The following PFKFB3 variants were observed in gnomAD, a reference collection of about 807,000 sequenced individuals.
The protein encoded by PFKFB3 is 6-phosphofructo-2-kinase/fructose-2,6-bisphosphatase 3.
In PFKFB3, 33 loss-of-function variants were observed where a neutral mutation model predicts 68.0. That is an observed-to-expected ratio of 0.49 (90% CI 0.37 to 0.65). The LOEUF (loss-of-function observed/expected upper bound fraction) is 0.65, where lower values mean the gene tolerates loss of function less well. Ranked by LOEUF, PFKFB3 falls within the 30% of genes least tolerant of loss-of-function variation. The pLI is 0.00. For synonymous variants in PFKFB3, 315 were observed against 288.2 expected, an observed-to-expected ratio of 1.09 and a Z score of -0.94; for missense variants, 586 against 712.2, an observed-to-expected ratio of 0.82 and a Z score of 2.02.
At chr10:6,255,853 T>C (rs1846487753), downstream of PFKFB3, among the ~76,000 whole-genome samples, 1 of 152,154 alleles carries the variant, frequency 6.6e-6, no homozygotes, top group Non-Finnish European at 1.5e-5. Flanking sequence ...GCGGGAGACG[T>C]GTCACAGCAG....
chr10:6,243,769 G>A (rs1008616744), intron 14 of PFKFB3, among the ~76,000 whole-genome samples: 3 of 152,190 alleles, frequency 2.0e-5, no homozygotes, highest in African/African-American at 7.2e-5. Context: ...GTCGCCCAAG[G>A]CTGAAGTGCA....
rs112558264 is a variant in PFKFB3, at chr10:6,253,964, A to G, written c.1516-214A>G. 0.015 allele frequency among the ~76,000 whole-genome samples: 2,322 copies of G among 152,216 alleles called. 109 individuals are homozygous for G. The South Asian group carries it at 0.16, about 11-fold the overall frequency. On this transcript the variant is annotated intron_variant, in intron 14 of 14. Transcript: ENST00000640683. ...GAGGCTGAGGCAGGAGGATCGCTTGAACCCAGGAGGAAGAGGTTGCAGTGA... is the reference window on the plus strand; with the variant it reads ...GAGGCTGAGGCAGGAGGATCGCTTGGACCCAGGAGGAAGAGGTTGCAGTGA...
At chr10:6,236,303 C>T (rs556482813), downstream of PFKFB3, among the ~76,000 whole-genome samples, 110 of 152,326 alleles carry the variant, frequency 7.2e-4, no homozygotes, top group Middle Eastern at 3.4e-3. Context: ...CCAGCCTCAG[C>T]GTCTGCATCT....
chr10:6,298,174 G>T, the PFKFB3 span, among the ~76,000 whole-genome samples: 1 of 152,144 alleles, frequency 6.6e-6, no homozygotes, highest in African/African-American at 2.4e-5. Flanking sequence ...CTGTGACCTG[G>T]CCTAGGAAGT....
rs1332669500 is a variant in PFKFB3, at chr10:6,220,996, T to C, written c.831+131T>C. The C allele has an allele frequency of 2.3e-6, 2 of 872,298 alleles. No homozygotes were observed. The highest frequency in any genetic ancestry group is 3.3e-5 in the African/African-American group (2 of 60,744). 54.0% of individuals were successfully genotyped at this position (872,298 alleles called of 1,614,324 possible). ...TGGTGTGCTTGCTGTGTGTGTTATC[T>C]GTGTGTGCGCCTGCACGTCTCTATG... On this transcript the variant is annotated intron_variant, in intron 8 of 14. Transcript: ENST00000379775. The surrounding 1 kb of genome is among the most constrained non-coding windows in gnomAD (Gnocchi z 4.1).
chr10:6,181,850 G>T (rs1842722944), intron 1 of PFKFB3, among the ~76,000 whole-genome samples: 1 of 149,436 alleles, frequency 6.7e-6, no homozygotes, highest in Non-Finnish European at 1.5e-5. Context: ...ACTCATATGC[G>T]ATCTCTAGAA....
At chr10:6,190,716 C>T (rs1843000127) in intron 1 of PFKFB3, among the ~76,000 whole-genome samples, 1 of 152,178 alleles carries the variant, frequency 6.6e-6, no homozygotes, top group Non-Finnish European at 1.5e-5. Context: ...TCGTGTGTTT[C>T]TTGATATATC....
chr10:6,206,943 C>T (rs921748444), intron 1 of PFKFB3, among the ~76,000 whole-genome samples: 2 of 149,176 alleles, frequency 1.3e-5, no homozygotes, highest in African/African-American at 4.9e-5. Flanking sequence ...AGACACTCCT[C>T]ACTTTCCAGA....
At chr10:6,255,178 G>T (rs1323333006), downstream of PFKFB3, among the ~76,000 whole-genome samples, 1 of 151,054 alleles carries the variant, frequency 6.6e-6, no homozygotes, top group East Asian at 1.9e-4. Context: ...AGGCTGGAGT[G>T]CAGTGGCCTG....
intron 2 of PFKFB3, 83 bp downstream of exon 2, chr10:6,213,831 C>A: frequency 6.8e-7 from 1 of 1,475,734 alleles, no homozygotes; most frequent in Non-Finnish European, 9.2e-7. Flanking sequence ...CAGGCAGGAC[C>A]ACCCCTGGGC....
intron 14 of PFKFB3, among the ~76,000 whole-genome samples, chr10:6,244,111 C>T (rs950940765): frequency 1.2e-4 from 19 of 152,196 alleles, no homozygotes. Flanking sequence ...CCTTCCACAG[C>T]CTCTCCAGTG....
At chr10:6,167,030 T>C (rs1242294135) in intron 1 of PFKFB3, among the ~76,000 whole-genome samples, 1 of 152,090 alleles carries the variant, frequency 6.6e-6, no homozygotes, top group Non-Finnish European at 1.5e-5. Context: ...AGTTTCTCCA[T>C]GTTGGTCAGG....
At chr10:6,255,623 ACT>A (rs1484011143), downstream of PFKFB3, among the ~76,000 whole-genome samples, 1 of 152,080 alleles carries the variant, frequency 6.6e-6, no homozygotes, top group East Asian at 1.9e-4. Context: ...AGTAGCCAGA[ACT>A]CTGCCAGGCC....
chr10:6,197,397 ATG>A (rs1208824667), intron 1 of PFKFB3, among the ~76,000 whole-genome samples: 2 of 152,210 alleles, frequency 1.3e-5, no homozygotes, highest in African/African-American at 4.8e-5. Flanking sequence ...AGGCTATACC[ATG>A]TAACCTAGAT....
the PFKFB3 span, among the ~76,000 whole-genome samples, chr10:6,313,031 G>A: frequency 6.6e-6 from 1 of 152,340 alleles, no homozygotes; most frequent in East Asian, 1.9e-4. The surrounding 1 kb of genome is among the most constrained non-coding windows in gnomAD (Gnocchi z 4.2). Context: ...GAACTGGGGG[G>A]TAGAATACTT....
In PFKFB3 at chr10:6,215,993, G is replaced by A. The variant is rs563841534; in HGVS notation, c.300-132G>A. 6.4e-4 allele frequency: 565 copies of A among 884,414 alleles called. 4 individuals carry two copies. In the African/African-American group the frequency reaches 6.4e-3, roughly 10 times the overall value. The allele number at this position is 884,414 out of a possible 1,614,324, so 54.8% of individuals were successfully genotyped here. A position where few individuals can be genotyped will look rare whatever the true frequency, so the allele number is the denominator to read the frequency against. On this transcript the variant is annotated intron_variant, in intron 3 of 14. Coordinates refer to ENST00000379775, the MANE Select transcript of PFKFB3 (RefSeq NM_004566.4). This position sits in a 1 kb window ranked among gnomAD's most constrained non-coding sequence, Gnocchi z 4.3. ...CTCTGGGCCTGAGGGGTGCTGGCCA[G>A]CCTGCCCAGCGCTAAGCAGTGTAGA...
At chr10:6,272,553 G>T in the PFKFB3 span, among the ~76,000 whole-genome samples, 1 of 152,026 alleles carries the variant, frequency 6.6e-6, no homozygotes, top group African/African-American at 2.4e-5. Flanking sequence ...ATTTTAGCTG[G>T]GCATGGTGGT....
chr10:6,238,477 C>CAAAAAAAAAAAAAAAAAA (rs71390201), downstream of PFKFB3, among the ~76,000 whole-genome samples: 1 of 89,556 alleles, frequency 1.1e-5, no homozygotes, highest in Non-Finnish European at 2.0e-5. Context: ...GGTGCCATCT[C>CAAAAAAAAAAAAAAAAAA]AAAAAAAAAA....
At chr10:6,289,864 T>C in the PFKFB3 span, among the ~76,000 whole-genome samples, 1 of 152,004 alleles carries the variant, frequency 6.6e-6, no homozygotes, top group East Asian at 1.9e-4. Context: ...TTTGTTTGTA[T>C]CCTCTTTTAT....
Sources: allele counts gnomAD v4.1 joint callset (sites outside exome capture counted in the v4.1 genomes callset), GRCh38; gene constraint gnomAD v4.1.1; non-coding constraint Gnocchi (gnomAD v3.1); transcripts MANE v1.5; gene names NCBI Gene and HGNC (gene_info 2026-07-23, HGNC 2026-07-21).